The following STYXL1 variants were observed in gnomAD, a reference collection of about 807,000 sequenced individuals.
The protein encoded by STYXL1 is serine/threonine/tyrosine-interacting-like protein 1.
Under a neutral mutation model 36.4 loss-of-function variants are expected in STYXL1, and 32 were observed. The ratio of observed to expected loss-of-function variants is 0.88; its 90% confidence interval spans 0.66 to 1.18. The LOEUF (loss-of-function observed/expected upper bound fraction) is 1.18, where lower values mean the gene tolerates loss of function less well. STYXL1 is among the 50% of genes most tolerant of loss of function. The probability of loss-of-function intolerance (pLI) is 0.00; values close to 1 mark genes in which losing one functional copy is unlikely to be tolerated. For missense variants in STYXL1, 354 were observed against 394.1 expected (o/e 0.90, Z 0.86); for synonymous variants, 133 against 144.1 (o/e 0.92, Z 0.55).
chr7:76,038,337 CCTCT>C (rs1319373934), intron 1 of STYXL1, among the ~76,000 whole-genome samples: 1 of 149,608 alleles, frequency 6.7e-6, no homozygotes, highest in Non-Finnish European at 1.5e-5. Flanking sequence ...ATGAGCCTCT[CCTCT>C]GTCGTCCCAG....
intron 1 of STYXL1, among the ~76,000 whole-genome samples, chr7:76,041,576 G>A (rs1283170497): frequency 6.6e-6 from 1 of 152,208 alleles, no homozygotes. Context: ...CCTTTTCCAC[G>A]CCTAATTCCC....
In STYXL1 at chr7:76,046,277, TGTGTGTGTGTGTG is replaced by T. The variant is rs1563534328; in HGVS notation, c.-5+1372_-5+1384del. Among the ~76,000 whole-genome samples the T allele has an allele frequency of 4.1e-3, 74 of 17,970 alleles. 4 individuals carry two copies. Among genetic ancestry groups the T allele is most frequent in the African/African-American group, 5.4e-3 (32 of 5,930 alleles). 11.8% of individuals were successfully genotyped at this position (17,970 alleles called of 152,430 possible). Reference sequence around the variant, plus strand: ...CCAGCATGTCTCAGCTTATCTGCTGTGTGTGTGTGTGTGTGTGTGTGTGTGTGTGTGTGTGTGT... The same window carrying T: ...CCAGCATGTCTCAGCTTATCTGCTGTTGTGTGTGTGTGTGTGTGTGTGTGT... On this transcript the variant is annotated intron_variant, in intron 1 of 8. Transcript: ENST00000359697.
At chr7:76,013,679 C>T (rs1792888423) in intron 5 of STYXL1, 63 bp downstream of exon 5, 7 of 1,608,862 alleles carry the variant, frequency 4.4e-6, no homozygotes, top group Non-Finnish European at 6.0e-6. Flanking sequence ...CAGTCACCCA[C>T]AAGTCAGTTT....
chr7:76,012,015 A>G (rs2115739171), intron 5 of STYXL1, among the ~76,000 whole-genome samples: 1 of 152,378 alleles, frequency 6.6e-6, no homozygotes, highest in Non-Finnish European at 1.5e-5. Context: ...GTATTAAAAA[A>G]TAGGCTGAGT....
chr7:76,013,377 T>C (rs2115782496), intron 5 of STYXL1, among the ~76,000 whole-genome samples: 1 of 149,256 alleles, frequency 6.7e-6, no homozygotes, highest in South Asian at 2.1e-4. Context: ...GCTGCAGACA[T>C]GAACTTAGGG....
In STYXL1 at chr7:76,009,013, C is replaced by T. The variant is rs138728684; in HGVS notation, c.454-3609G>A. ...ATGCTATCTCAAAAAAAAACCAAAA[C>T]AAAACAAAACAAAAAAAACCCCACA... is the stretch of plus-strand genomic sequence containing the variant. On this transcript the variant is annotated intron_variant, in intron 5 of 8. Coordinates refer to ENST00000359697, the MANE Select transcript of STYXL1 (RefSeq NM_001317785.2). 5.9e-5 allele frequency among the ~76,000 whole-genome samples: 9 copies of T among 151,822 alleles called. No homozygotes were observed. In the East Asian group the frequency reaches 1.5e-3, roughly 26 times the overall value.
intron 4 of STYXL1, among the ~76,000 whole-genome samples, chr7:76,020,827 T>A (rs1793967381): frequency 2.0e-5 from 3 of 151,982 alleles, no homozygotes; most frequent in South Asian, 2.1e-4. Context: ...CAGCTCTTGA[T>A]GTTAGTTAGC....
At chr7:76,045,385 C>T (rs1796855786) in intron 1 of STYXL1, 2 of 152,128 alleles carry the variant, frequency 1.3e-5, no homozygotes, top group South Asian at 4.1e-4. Context: ...TCCTCAAACA[C>T]AGTTCTGGCA....
chr7:75,996,687 C>T, intron 8 of STYXL1, 88 bp from the exon 9 acceptor site: 2 of 1,339,926 alleles, frequency 1.5e-6, no homozygotes, highest in Non-Finnish European at 2.1e-6. Context: ...AGACAGGAGG[C>T]ACTTGCACAG....
chr7:75,999,491 T>TTGTGTATGTGTG (rs150572317), intron 8 of STYXL1, among the ~76,000 whole-genome samples: 24 of 111,280 alleles, frequency 2.2e-4, no homozygotes, highest in South Asian at 1.1e-3. Context: ...AATTTTTTTG[T>TTGTGTATGTGTG]TGTGTGTGTG....
chr7:76,040,203 C>T (rs1423914998), intron 1 of STYXL1, among the ~76,000 whole-genome samples: 1 of 152,194 alleles, frequency 6.6e-6, no homozygotes, highest in African/African-American at 2.4e-5. Flanking sequence ...GTGACCACCA[C>T]CTTTGGCTCA....
At position 76,047,766 on chromosome 7, in the gene STYXL1, C is replaced by A. The variant is rs1797335177; in HGVS notation, c.-109G>T. The A allele has an allele frequency of 7.7e-6, 3 of 390,500 alleles. No homozygotes were observed. Among genetic ancestry groups the A allele is most frequent in the Non-Finnish European group, 1.2e-5 (3 of 240,708 alleles). 24.2% of individuals were successfully genotyped at this position (390,500 alleles called of 1,614,324 possible). A position where few individuals can be genotyped will look rare whatever the true frequency, so the allele number is the denominator to read the frequency against. On this transcript the variant is annotated 5_prime_UTR_variant, in exon 1 of 9. Coordinates refer to ENST00000359697, the MANE Select transcript of STYXL1 (RefSeq NM_001317785.2). The stretch of plus-strand genomic sequence containing the variant: ...GACGCGCTCCACCTCCCCGGCTGCG[C>A]GACTATGGCCAGGCTCCCTGTCGGA...
Position 76,000,915 on chromosome 7 carries a change from A to G in STYXL1, c.785T>C (p.Met262Thr). Residue 262 changes from methionine to threonine, a missense_variant, in exon 8 of 9, where the codon ATG becomes ACG. Transcript: ENST00000359697. ...RSCAAIIAYL[M>T]HSNEQTLQRS... ...CTGCAAGGTCTGCTCGTTACTATGC[A>G]TGAGGTAGGCTATGATGGCGGCACA... 1 of 1,614,152 alleles carries G rather than the reference A, an allele frequency of 6.2e-7. No individual in the cohort carries two copies. Among genetic ancestry groups the G allele is most frequent in the Non-Finnish European group, 8.5e-7 (1 of 1,179,998 alleles).
chr7:76,039,317 C>G lies in STYXL1; in HGVS notation c.-5+8345G>C, dbSNP rs369402028. On this transcript the variant is annotated intron_variant, in intron 1 of 8. Coordinates refer to ENST00000359697, the MANE Select transcript of STYXL1 (RefSeq NM_001317785.2). ...TTTCGAACTCCTGGGCTCAAGTGAT[C>G]TTCCCGCCTCAGCCTCCCAAAGTGG... Among the ~76,000 whole-genome samples the G allele has an allele frequency of 6.0e-5, 9 of 150,818 alleles. 1 individual carries two copies. In the East Asian group the frequency reaches 1.7e-3, roughly 29 times the overall value.
chr7:76,013,639 C>A, intron 5 of STYXL1, 103 bp downstream of exon 5: 1 of 1,526,536 alleles, frequency 6.6e-7, no homozygotes, highest in South Asian at 1.1e-5. Flanking sequence ...TTCTCTATAT[C>A]CTCTGTCCCA....
chr7:76,042,743 C>T (rs1371821714), intron 1 of STYXL1, among the ~76,000 whole-genome samples: 7 of 152,048 alleles, frequency 4.6e-5, no homozygotes, highest in Non-Finnish European at 1.0e-4. Context: ...GGGATAAGCA[C>T]CCTCTGATCT....
chr7:76,026,288 G>A (rs1189091077), intron 3 of STYXL1, among the ~76,000 whole-genome samples: 2 of 138,448 alleles, frequency 1.4e-5, no homozygotes, highest in East Asian at 4.6e-4. Flanking sequence ...GGGAATTTTA[G>A]AAGACAAAGT....
intron 1 of STYXL1, among the ~76,000 whole-genome samples, chr7:76,038,701 C>CA (rs1298047370): frequency 6.6e-6 from 1 of 151,050 alleles, no homozygotes; most frequent in East Asian, 1.9e-4. Flanking sequence ...GCTGGGATTA[C>CA]AGGCGTGAGC....
chr7:76,003,146 T>A (rs940888154), intron 7 of STYXL1, among the ~76,000 whole-genome samples: 4 of 151,264 alleles, frequency 2.6e-5, no homozygotes, highest in Admixed American at 6.6e-5. Flanking sequence ...AAGTAACTGG[T>A]GGGCATCACT....
Sources: gnomAD v4.1 joint callset for allele counts (sites outside exome capture counted in the v4.1 genomes callset) on GRCh38, gnomAD v4.1.1 for gene constraint, MANE v1.5 for transcripts, NCBI Gene and HGNC (gene_info 2026-07-23, HGNC 2026-07-21) for gene names.